NEGR1: variants seen among roughly 807,000 people sequenced by gnomAD.
The protein encoded by NEGR1 is neuronal growth regulator 1.
Under a neutral mutation model 40.9 loss-of-function variants are expected in NEGR1, and 10 were observed. The observed-to-expected ratio is 0.24, with a 90% CI of 0.15 to 0.42. NEGR1 has a LOEUF of 0.42. Among genes scored for constraint, NEGR1 ranks in the 10% least tolerant of loss-of-function variants. The probability of loss-of-function intolerance (pLI) is 1.00; values close to 1 mark genes in which losing one functional copy is unlikely to be tolerated. For missense variants in NEGR1, 352 were observed against 438.9 expected (o/e 0.80, Z 1.77); for synonymous variants, 185 against 166.8 (o/e 1.11, Z -0.84).
chr1:71,746,898 C>T (rs1655404893), intron 3 of NEGR1, among the ~76,000 whole-genome samples: 1 of 152,128 alleles, frequency 6.6e-6, no homozygotes, highest in Admixed American at 6.6e-5. Context: ...TTCAGGCAGC[C>T]TGGATATTAG....
intron 1 of NEGR1, among the ~76,000 whole-genome samples, chr1:72,267,791 A>G (rs534939855): frequency 1.3e-5 from 2 of 151,504 alleles, no homozygotes; most frequent in Admixed American, 1.3e-4. Flanking sequence ...ACACAAGTCT[A>G]TTGAAAAAAG....
At chr1:71,627,248 A>G (rs539337732) in intron 4 of NEGR1, among the ~76,000 whole-genome samples, 8 of 152,346 alleles carry the variant, frequency 5.3e-5, no homozygotes, top group African/African-American at 1.9e-4. Context: ...AACCAAGCCA[A>G]ATGTCCAACA....
At chr1:71,705,499 A>G (rs191245155) in intron 3 of NEGR1, among the ~76,000 whole-genome samples, 4 of 152,344 alleles carry the variant, frequency 2.6e-5, no homozygotes, top group African/African-American at 9.6e-5. Flanking sequence ...TATTAAACAA[A>G]GAACATGTGT....
At chr1:71,546,778 T>C (rs1647911812) in intron 6 of NEGR1, among the ~76,000 whole-genome samples, 1 of 151,534 alleles carries the variant, frequency 6.6e-6, no homozygotes, top group East Asian at 2.0e-4. Context: ...TCTTATAAAG[T>C]ATTGGGTAAG....
At position 71,491,310 on chromosome 1, in the gene NEGR1, T is replaced by C. The variant is rs576581611; in HGVS notation, c.941-83740A>G. 5.3e-5 allele frequency among the ~76,000 whole-genome samples: 8 copies of C among 152,150 alleles called. No individual in the cohort carries two copies. The East Asian group carries it at 1.6e-3, about 30-fold the overall frequency. ...CCACTTTACATCAGGGACTTGAGCA[T>C]CTTTGGGTTTTGATATCCAAGGGAG... On this transcript the variant is annotated intron_variant, in intron 6 of 6. Transcript: ENST00000357731.
chr1:71,593,148 T>C (rs1367305968), intron 5 of NEGR1, among the ~76,000 whole-genome samples, 180 bp from the exon 6 acceptor site: 2 of 152,098 alleles, frequency 1.3e-5, no homozygotes, highest in Non-Finnish European at 2.9e-5. Context: ...GGAGGTGAGG[T>C]TGCATGTCAG....
At chr1:71,927,591 A>G (rs1193816853) in intron 2 of NEGR1, among the ~76,000 whole-genome samples, 2 of 151,950 alleles carry the variant, frequency 1.3e-5, no homozygotes, top group East Asian at 3.9e-4. Flanking sequence ...AATTGTTTAG[A>G]TATCAGACCA....
intron 1 of NEGR1, among the ~76,000 whole-genome samples, chr1:72,057,264 A>G (rs543570486): frequency 5.3e-5 from 8 of 151,728 alleles, no homozygotes; most frequent in African/African-American, 1.9e-4. Context: ...TGGTTACAAA[A>G]TTTGGATTGT....
At chr1:71,479,850 T>C (rs1385411513) in intron 6 of NEGR1, among the ~76,000 whole-genome samples, 1 of 151,986 alleles carries the variant, frequency 6.6e-6, no homozygotes, top group African/African-American at 2.4e-5. Flanking sequence ...TGTGGTGTTG[T>C]TGCTTATTAA....
intron 2 of NEGR1, among the ~76,000 whole-genome samples, chr1:71,920,575 C>A: frequency 6.6e-6 from 1 of 152,140 alleles, no homozygotes; most frequent in East Asian, 1.9e-4. Flanking sequence ...TCAGTATCCC[C>A]CAGCTGATAG....
intron 4 of NEGR1, among the ~76,000 whole-genome samples, chr1:71,675,764 T>C (rs1196689838): frequency 6.7e-6 from 1 of 148,544 alleles, no homozygotes; most frequent in African/African-American, 2.5e-5. Context: ...TCTCTCTAGT[T>C]TTTTGGTTTT....
At chr1:72,237,480 T>C (rs1654588276) in intron 1 of NEGR1, among the ~76,000 whole-genome samples, 1 of 151,954 alleles carries the variant, frequency 6.6e-6, no homozygotes, top group South Asian at 2.1e-4. Context: ...CGTAGGCCAT[T>C]ACTTCTCCCA....
At chr1:71,950,601 A>G (rs2801328) in intron 1 of NEGR1, among the ~76,000 whole-genome samples, 80,368 of 151,748 alleles carry the variant, frequency 0.53, 22,352 homozygotes, top group African/African-American at 0.67. Flanking sequence ...TATGAAAATC[A>G]AAACCTACTA....
intron 3 of NEGR1, among the ~76,000 whole-genome samples, chr1:71,717,401 C>CT (rs952152913): frequency 1.8e-4 from 28 of 151,994 alleles, no homozygotes; most frequent in Admixed American, 9.8e-4. Context: ...CTTAGTATTA[C>CT]TTTTTTTTGA....
intron 6 of NEGR1, among the ~76,000 whole-genome samples, chr1:71,455,167 A>G (rs993182311): frequency 5.3e-5 from 8 of 152,216 alleles, no homozygotes; most frequent in African/African-American, 1.9e-4. Context: ...AAATATGTCA[A>G]TATTTTCTAC....
intron 6 of NEGR1, among the ~76,000 whole-genome samples, chr1:71,482,698 T>C (rs997090051): frequency 6.6e-5 from 10 of 151,880 alleles, no homozygotes; most frequent in African/African-American, 2.4e-4. Context: ...GTAAGGCAAA[T>C]AGAAGTTATT....
intron 2 of NEGR1, among the ~76,000 whole-genome samples, chr1:71,780,271 C>G (rs960635979): frequency 6.6e-6 from 1 of 152,088 alleles, no homozygotes; most frequent in African/African-American, 2.4e-5. Context: ...TTGTCATGTA[C>G]TTTAAGTACT....
intron 6 of NEGR1, among the ~76,000 whole-genome samples, chr1:71,540,997 A>T (rs77123263): frequency 2.0e-5 from 3 of 151,586 alleles, no homozygotes; most frequent in Non-Finnish European, 2.9e-5. Context: ...ATGAGAACTC[A>T]CTATTGCAAA....
At chr1:71,786,735 C>T (rs1386692510) in intron 2 of NEGR1, among the ~76,000 whole-genome samples, 1 of 152,066 alleles carries the variant, frequency 6.6e-6, no homozygotes, top group Non-Finnish European at 1.5e-5. Flanking sequence ...ATACTCTTTC[C>T]ACTAAAAATA....
Sources: allele counts gnomAD v4.1 joint callset (sites outside exome capture counted in the v4.1 genomes callset), GRCh38; gene constraint gnomAD v4.1.1; transcripts MANE v1.5; gene names NCBI Gene and HGNC (gene_info 2026-07-23, HGNC 2026-07-21).